The following SULT1C2 variants were observed in gnomAD, a reference collection of about 807,000 sequenced individuals.
The protein encoded by SULT1C2 is sulfotransferase 1C2.
SULT1C2 carries 27 observed loss-of-function variants against 36.0 expected under a neutral mutation model. The ratio of observed to expected loss-of-function variants is 0.75; its 90% CI spans 0.55 to 1.03. The LOEUF (loss-of-function observed/expected upper bound fraction) is 1.03. Ranked by LOEUF, SULT1C2 falls within the 50% of genes least tolerant of loss-of-function variation. SULT1C2 has a pLI of 0.00. For missense variants in SULT1C2, 395 were observed against 359.2 expected (o/e 1.10, Z -0.80); for synonymous variants, 121 against 116.0 (o/e 1.04, Z -0.27).
At chr2:108,295,003 T>C (rs1269785399) in intron 3 of SULT1C2, among the ~76,000 whole-genome samples, 1 of 152,224 alleles carries the variant, frequency 6.6e-6, no homozygotes, top group Non-Finnish European at 1.5e-5. Context: ...GTTATAGCAT[T>C]GCAGAGATCC....
At chr2:108,306,116 C>T (rs1160297983) in intron 7 of SULT1C2, among the ~76,000 whole-genome samples, 1 of 152,186 alleles carries the variant, frequency 6.6e-6, no homozygotes, top group Non-Finnish European at 1.5e-5. Context: ...AGTTTCTGCT[C>T]ATAACTTGGT....
chr2:108,300,077 CT>C (rs1215249675), intron 3 of SULT1C2: 2 of 152,198 alleles, frequency 1.3e-5, no homozygotes, highest in African/African-American at 4.8e-5. Flanking sequence ...CTCGTTAAGG[CT>C]TTTAAATGAG....
intron 4 of SULT1C2, chr2:108,302,848 TAA>T (rs1676917498): frequency 3.3e-5 from 5 of 152,094 alleles, no homozygotes; most frequent in Non-Finnish European, 7.3e-5. Context: ...AAGCATAGGA[TAA>T]AGTGCAGAAC....
At chr2:108,307,033 A>AT (rs1279246424) in intron 7 of SULT1C2, among the ~76,000 whole-genome samples, 1 of 152,182 alleles carries the variant, frequency 6.6e-6, no homozygotes, top group African/African-American at 2.4e-5. Context: ...TAACATACAG[A>AT]TTTTTTATTC....
At chr2:108,305,349 C>A (rs1480453010) in intron 6 of SULT1C2, 66 bp from the exon 7 acceptor site, 36 of 1,609,050 alleles carry the variant, frequency 2.2e-5, no homozygotes, top group Non-Finnish European at 3.0e-5. Context: ...AAGGACATCC[C>A]AGAGAATTGT....
chr2:108,288,994 T>G lies in SULT1C2; in HGVS notation c.-98T>G, dbSNP rs1203017207. ...TGAGCCTCTGCAATTGCCGTCTGCTTCCTGTGAAAGTCCTTTCCGTGCCCA... is the reference window on the plus strand; with the variant it reads ...TGAGCCTCTGCAATTGCCGTCTGCTGCCTGTGAAAGTCCTTTCCGTGCCCA... On this transcript the variant is annotated 5_prime_UTR_variant, in exon 1 of 8. Coordinates refer to ENST00000251481, the MANE Select transcript of SULT1C2 (RefSeq NM_001056.4). The G allele has an allele frequency of 6.6e-6, 1 of 152,594 alleles. No individual in the cohort carries two copies. Among genetic ancestry groups the G allele is most frequent in the African/African-American group, 2.4e-5 (1 of 41,432 alleles). The allele number at this position is 152,594 out of a possible 1,614,324, so 9.5% of individuals were successfully genotyped here.
chr2:108,305,049 T>C (rs1676986064), intron 5 of SULT1C2, 123 bp from the exon 6 acceptor site: 1 of 1,084,954 alleles, frequency 9.2e-7, no homozygotes, highest in African/African-American at 1.6e-5. Context: ...TCAGAACCCT[T>C]AGGACATATC....
intron 5 of SULT1C2, 113 bp downstream of exon 5, chr2:108,304,813 A>G: frequency 1.4e-6 from 2 of 1,426,394 alleles, no homozygotes; most frequent in East Asian, 2.3e-5. Flanking sequence ...GGTGTGTCCT[A>G]CCACAGACTG....
chr2:108,301,090 A>G, intron 4 of SULT1C2, 155 bp downstream of exon 4: 1 of 946,646 alleles, frequency 1.1e-6, no homozygotes. Context: ...TACATTCAGC[A>G]GGACATTCAC....
chr2:108,291,260 C>T lies in SULT1C2; in HGVS notation c.-22+2190C>T, dbSNP rs541457017. Among the ~76,000 whole-genome samples, 14 of 152,316 alleles carry T rather than the reference C, an allele frequency of 9.2e-5. No homozygotes were observed. In the South Asian group the frequency reaches 2.9e-3, roughly 32 times the overall value. On this transcript the variant is annotated intron_variant, in intron 1 of 7. Transcript: ENST00000251481. ...GTCATTCTCATGCTTCCAAACTCTC[C>T]AGCCACTTCTTCTGCCACACGACTC...
At chr2:108,308,194 T>C (rs942667023) in intron 7 of SULT1C2, among the ~76,000 whole-genome samples, 158 bp from the exon 8 acceptor site, 15 of 152,148 alleles carry the variant, frequency 9.9e-5, no homozygotes, top group African/African-American at 3.6e-4. Flanking sequence ...CTGCTTCTTA[T>C]AGGAGAGCTG....
chr2:108,298,302 A>C (rs1676787535), intron 3 of SULT1C2, among the ~76,000 whole-genome samples: 1 of 152,134 alleles, frequency 6.6e-6, no homozygotes, highest in Non-Finnish European at 1.5e-5. Flanking sequence ...TCATGTCCAA[A>C]CACTATAAAT....
chr2:108,294,542 C>T (rs1676677006), intron 3 of SULT1C2, among the ~76,000 whole-genome samples, 188 bp downstream of exon 3: 1 of 138,562 alleles, frequency 7.2e-6, no homozygotes, highest in Non-Finnish European at 1.6e-5. Flanking sequence ...CCTCTGTCTA[C>T]ATATTATTTA....
In SULT1C2 at chr2:108,293,754, G is replaced by T. The variant is rs766830457; in HGVS notation, c.87G>T (p.Trp29Cys). ...TLLQPATVDN[W>C]SQIQSFEAKP... ...TGCAGCCTGCAACTGTGGACAACTGGAGCCAGATCCAGAGCTTCGAGGCCA... is the reference window on the plus strand; with the variant it reads ...TGCAGCCTGCAACTGTGGACAACTGTAGCCAGATCCAGAGCTTCGAGGCCA... Residue 29 changes from tryptophan to cysteine, a missense_variant, in exon 2 of 8, where the codon TGG becomes TGT. Coordinates refer to ENST00000251481, the MANE Select transcript of SULT1C2 (RefSeq NM_001056.4). 1 of 1,614,094 alleles carries T rather than the reference G, an allele frequency of 6.2e-7. No individual in the cohort carries two copies. The highest frequency in any genetic ancestry group is 8.5e-7 in the Non-Finnish European group (1 of 1,180,008).
chr2:108,295,232 T>C (rs1676695287), intron 3 of SULT1C2, among the ~76,000 whole-genome samples: 1 of 152,210 alleles, frequency 6.6e-6, no homozygotes, highest in African/African-American at 2.4e-5. Context: ...GATTTTGCTT[T>C]CCCCTATGAT....
Position 108,294,271 on chromosome 2 carries a change from A to G in SULT1C2, c.194A>G (p.Asn65Ser), listed in dbSNP as rs1676667821. ...GAAATTGTGGATATGATTGAACAGA[A>G]TGGGGACGTGGAGAAGTGCCAGCGA... is the stretch of plus-strand genomic sequence containing the variant. ...IQEIVDMIEQ[N>S]GDVEKCQRAI... The change falls in exon 3 of 8, where the codon AAT becomes AGT. Residue 65 changes from asparagine (N) to serine (S), a missense_variant. Coordinates refer to ENST00000251481, the MANE Select transcript of SULT1C2 (RefSeq NM_001056.4). The G allele has an allele frequency of 6.2e-7, 1 of 1,614,156 alleles. No homozygotes were observed. The highest frequency in any genetic ancestry group is 8.5e-7 in the Non-Finnish European group (1 of 1,180,016).
rs1200510565 is a variant in SULT1C2, at chr2:108,300,902, G to A, written c.342G>A (p.Leu114=). Residue 114 remains leucine (L), a synonymous_variant, in exon 4 of 8, where the codon CTG becomes CTA. Transcript: ENST00000251481. The part of the protein sequence containing the change: ...RILKTHLSTQ[L]LPPSFWENNC... ...TAAAGACTCACCTTTCCACTCAGCT[G>A]CTGCCACCGTCTTTCTGGGAAAACA... The A allele has an allele frequency of 3.7e-6, 6 of 1,614,064 alleles. No homozygotes were observed. Among genetic ancestry groups the A allele is most frequent in the Non-Finnish European group, 4.2e-6 (5 of 1,180,040 alleles).
chr2:108,304,828 T>C, intron 5 of SULT1C2, 128 bp downstream of exon 5: 1 of 1,315,516 alleles, frequency 7.6e-7, no homozygotes, highest in Non-Finnish European at 1.0e-6. Flanking sequence ...AGACTGGGAC[T>C]GGGCAGAGCA....
intron 3 of SULT1C2, chr2:108,298,937 T>G (rs1286656593): frequency 1.3e-5 from 2 of 158,494 alleles, no homozygotes; most frequent in African/African-American, 4.8e-5. Context: ...TTCATATCCA[T>G]GCATGTAGTA....
Sources: gnomAD v4.1 joint callset for allele counts (sites outside exome capture counted in the v4.1 genomes callset) on GRCh38, gnomAD v4.1.1 for gene constraint, MANE v1.5 for transcripts, NCBI Gene and HGNC (gene_info 2026-07-23, HGNC 2026-07-21) for gene names.